Variants in TMTC1 observed in about 807,000 individuals in gnomAD.
TMTC1 encodes protein O-mannosyl-transferase TMTC1.
In TMTC1, 73 loss-of-function variants were observed where a neutral mutation model predicts 104.8. That is an observed-to-expected ratio of 0.70 (90% confidence interval 0.58 to 0.85). The LOEUF is 0.85. Ranked by LOEUF, TMTC1 falls within the 40% of genes least tolerant of loss-of-function variation. The pLI, the probability that TMTC1 is intolerant of heterozygous loss-of-function variation, is 0.00. For missense variants in TMTC1, 1,035 were observed against 1,096.1 expected (o/e 0.94, Z 0.79); for synonymous variants, 434 against 428.7 (o/e 1.01, Z -0.15).
intron 8 of TMTC1, among the ~76,000 whole-genome samples, chr12:29,579,115 C>G (rs1945905597): frequency 6.6e-6 from 1 of 152,114 alleles, no homozygotes. Context: ...ATGTTTCAGC[C>G]ACGGCCAGTA....
At chr12:29,773,870 C>G (rs960687857) in intron 1 of TMTC1, among the ~76,000 whole-genome samples, 3 of 152,142 alleles carry the variant, frequency 2.0e-5, no homozygotes, top group African/African-American at 7.2e-5. Flanking sequence ...GAAAGTCCAC[C>G]TCAATGGCAG....
chr12:29,764,965 C>T (rs1231328012), intron 2 of TMTC1, among the ~76,000 whole-genome samples: 1 of 152,110 alleles, frequency 6.6e-6, no homozygotes, highest in Non-Finnish European at 1.5e-5. Flanking sequence ...ACTGTTATTG[C>T]CCTACTCATT....
chr12:29,555,217 AACCTCTGC>A (rs1945209099), intron 10 of TMTC1, among the ~76,000 whole-genome samples: 1 of 137,816 alleles, frequency 7.3e-6, no homozygotes, highest in African/African-American at 2.7e-5. Context: ...AGCTCACTGC[AACCTCTGC>A]ATCTCAGGCC....
chr12:29,737,848 G>C (rs1453357148), intron 5 of TMTC1, among the ~76,000 whole-genome samples: 1 of 152,182 alleles, frequency 6.6e-6, no homozygotes, highest in Non-Finnish European at 1.5e-5. Context: ...TTAATGAGCT[G>C]CACGCTGTTT....
chr12:29,755,648 T>TTGTTG lies in TMTC1; in HGVS notation c.731+60_731+61insCAACA, dbSNP rs67517908. The stretch of plus-strand genomic sequence containing the variant: ...TTTTTAAATGGAAGTTTGGAAACTA[T>TTGTTG]TAAGTAATTTTTCTCTGCCCATGAC... On this transcript the variant is annotated intron_variant, in intron 4 of 17. Transcript: ENST00000539277. The TTGTTG allele has an allele frequency of 7.3e-6, 10 of 1,371,274 alleles. 1 individual carries two copies. In the East Asian group the frequency reaches 2.0e-4, roughly 27 times the overall value. The allele number at this position is 1,371,274 out of a possible 1,614,324, so 84.9% of individuals were successfully genotyped here.
intron 10 of TMTC1, among the ~76,000 whole-genome samples, chr12:29,545,522 C>T (rs952903720): frequency 1.3e-5 from 2 of 151,918 alleles, no homozygotes; most frequent in African/African-American, 4.8e-5. Flanking sequence ...TGCCTGTAGT[C>T]CCAGCTACTC....
intron 5 of TMTC1, among the ~76,000 whole-genome samples, chr12:29,698,469 A>G (rs1941488828): frequency 1.3e-5 from 2 of 152,176 alleles, no homozygotes; most frequent in Admixed American, 6.5e-5. Context: ...TGGCTCCTAC[A>G]ACACAAGAGT....
intron 11 of TMTC1, among the ~76,000 whole-genome samples, chr12:29,528,734 GC>G (rs1224143611): frequency 6.6e-6 from 1 of 152,028 alleles, no homozygotes; most frequent in Non-Finnish European, 1.5e-5. Context: ...ATTTTAGAAT[GC>G]CTTTGAACTC....
intron 11 of TMTC1, chr12:29,520,990 A>G (rs545196272): frequency 3.4e-4 from 118 of 348,236 alleles, no homozygotes; most frequent in African/African-American, 2.4e-3. Context: ...AAGGATATGG[A>G]CCTGTACAAC....
At chr12:29,552,621 T>A (rs1227305029) in intron 10 of TMTC1, among the ~76,000 whole-genome samples, 1 of 152,186 alleles carries the variant, frequency 6.6e-6, no homozygotes, top group Non-Finnish European at 1.5e-5. Context: ...CTAAAGGACT[T>A]TGGCATGTTA....
intron 10 of TMTC1, among the ~76,000 whole-genome samples, chr12:29,555,950 A>T (rs1945233117): frequency 6.6e-6 from 1 of 152,196 alleles, no homozygotes; most frequent in Non-Finnish European, 1.5e-5. Context: ...AACAGCAACC[A>T]TGTGGATTGT....
At chr12:29,629,962 T>C (rs1195493381) in intron 6 of TMTC1, among the ~76,000 whole-genome samples, 1 of 152,224 alleles carries the variant, frequency 6.6e-6, no homozygotes, top group Non-Finnish European at 1.5e-5. Flanking sequence ...CAATATTTAA[T>C]CGTTTTTTAT....
At chr12:29,654,159 CAGAA>C in intron 5 of TMTC1, among the ~76,000 whole-genome samples, 1 of 152,014 alleles carries the variant, frequency 6.6e-6, no homozygotes, top group East Asian at 1.9e-4. Context: ...TGACAATATA[CAGAA>C]AGAAAGAAAA....
At chr12:29,534,944 G>T (rs1163085810) in intron 11 of TMTC1, 1 of 152,168 alleles carries the variant, frequency 6.6e-6, no homozygotes, top group African/African-American at 2.4e-5. Context: ...AGACCTCTCT[G>T]ATATAGTAAC....
At chr12:29,531,324 T>C (rs943883532) in intron 11 of TMTC1, among the ~76,000 whole-genome samples, 14 of 152,242 alleles carry the variant, frequency 9.2e-5, no homozygotes, top group Admixed American at 4.6e-4. Flanking sequence ...CCAGGACTTT[T>C]TATTTGACCC....
At chr12:29,762,239 T>C (rs1943368195) in intron 2 of TMTC1, among the ~76,000 whole-genome samples, 1 of 152,200 alleles carries the variant, frequency 6.6e-6, no homozygotes, top group Non-Finnish European at 1.5e-5. Flanking sequence ...TGTAGACTGC[T>C]CTTGCCATCT....
chr12:29,767,025 C>T (rs188389460), intron 2 of TMTC1, among the ~76,000 whole-genome samples: 2 of 151,794 alleles, frequency 1.3e-5, no homozygotes. Flanking sequence ...TCTTGGCTCA[C>T]TGCAACCTCC....
chr12:29,599,464 G>A (rs1283253703), intron 7 of TMTC1, among the ~76,000 whole-genome samples: 1 of 152,288 alleles, frequency 6.6e-6, no homozygotes, highest in African/African-American at 2.4e-5. Flanking sequence ...TGAGAGGAAG[G>A]TGATATTTCA....
chr12:29,731,649 G>GT (rs5797338), intron 5 of TMTC1, among the ~76,000 whole-genome samples: 152,254 of 152,300 alleles, frequency 1, 76,104 homozygotes, highest in Non-Finnish European at 1. Flanking sequence ...TAAGCAAGTA[G>GT]ATCAATATAT....
Sources: allele counts gnomAD v4.1 joint callset (sites outside exome capture counted in the v4.1 genomes callset), GRCh38; gene constraint gnomAD v4.1.1; transcripts MANE v1.5; gene names NCBI Gene and HGNC (gene_info 2026-07-23, HGNC 2026-07-21).